SPOCK1: variants seen among roughly 807,000 people sequenced by gnomAD.
SPOCK1 encodes testican-1.
In SPOCK1, 23 loss-of-function variants were observed where a neutral mutation model predicts 55.3. The observed-to-expected ratio is 0.42, with a 90% confidence interval of 0.30 to 0.59. The LOEUF is 0.59. Among genes scored for constraint, SPOCK1 ranks in the 20% least tolerant of loss-of-function variants. The pLI is 0.22. For missense variants in SPOCK1, 499 were observed against 552.5 expected (o/e 0.90, Z 0.97); for synonymous variants, 226 against 221.0 (o/e 1.02, Z -0.20).
chr5:137,449,886 C>CAAAAAAAAAAAAAAAAAAAAA (rs562723108), intron 2 of SPOCK1, among the ~76,000 whole-genome samples: 8 of 52,908 alleles, frequency 1.5e-4, no homozygotes, highest in African/African-American at 4.8e-4. Context: ...GATGCTGTCT[C>CAAAAAAAAAAAAAAAAAAAAA]AAAAAAAAAA....
intron 6 of SPOCK1, among the ~76,000 whole-genome samples, chr5:137,042,101 T>C (rs1214813497): frequency 6.6e-6 from 1 of 152,276 alleles, no homozygotes; most frequent in East Asian, 1.9e-4. Flanking sequence ...ATCCATACAA[T>C]GGACTACTAT....
chr5:137,282,809 C>A (rs1757192220), intron 2 of SPOCK1, among the ~76,000 whole-genome samples: 1 of 152,118 alleles, frequency 6.6e-6, no homozygotes, highest in South Asian at 2.1e-4. Context: ...GACCAGGCAC[C>A]AAAGGAGAAA....
rs113515683 is a variant in SPOCK1, at chr5:137,205,862, T to C, written c.232+61148A>G. On this transcript the variant is annotated intron_variant, in intron 3 of 10. Coordinates refer to ENST00000394945, the MANE Select transcript of SPOCK1 (RefSeq NM_004598.4). ...ACTCGGCACAGTTCCAAGCACTCTGTATAAATTAATTCATCTAGTCCTCAC... is the reference window on the plus strand; with the variant it reads ...ACTCGGCACAGTTCCAAGCACTCTGCATAAATTAATTCATCTAGTCCTCAC... 4.0e-3 allele frequency among the ~76,000 whole-genome samples: 603 copies of C among 152,338 alleles called. 6 individuals carry two copies. Among genetic ancestry groups the C allele is most frequent in the Admixed American group, 7.1e-3 (108 of 15,298 alleles).
At chr5:137,239,962 C>G (rs199819274) in intron 3 of SPOCK1, among the ~76,000 whole-genome samples, 2 of 152,154 alleles carry the variant, frequency 1.3e-5, no homozygotes, top group African/African-American at 4.8e-5. Context: ...AGAAAGCTAG[C>G]AAAATACAAA....
At chr5:137,044,601 A>G (rs1053675277) in intron 6 of SPOCK1, among the ~76,000 whole-genome samples, 2 of 152,202 alleles carry the variant, frequency 1.3e-5, no homozygotes, top group Non-Finnish European at 2.9e-5. Flanking sequence ...CATAAGGTAC[A>G]GAGTGTTTAG....
chr5:136,978,662 T>C lies in SPOCK1; in HGVS notation c.1312A>G (p.Ile438Val), dbSNP rs1439495928. Residue 438 changes from isoleucine (I) to valine (V), a missense_variant, in exon 11 of 11, where the codon ATA (isoleucine) becomes GTA (valine). Transcript: ENST00000394945. ...DDDKEDEVGY[I>V]W ...CCTCTTTCTTGTGGGCACTACCATA[T>C]GTACCCGACCTCATCCTCTTTGTCA... 1 of 1,606,218 alleles carries C rather than the reference T, an allele frequency of 6.2e-7. No homozygotes were observed. Among genetic ancestry groups the C allele is most frequent in the African/African-American group, 1.3e-5 (1 of 74,622 alleles).
At chr5:137,416,933 TTTGA>T (rs1177995368) in intron 2 of SPOCK1, among the ~76,000 whole-genome samples, 1 of 152,168 alleles carries the variant, frequency 6.6e-6, no homozygotes, top group Non-Finnish European at 1.5e-5. Flanking sequence ...ATTTTGAATA[TTTGA>T]TTATTTTGAA....
chr5:137,081,174 C>A (rs1752872443), intron 5 of SPOCK1, among the ~76,000 whole-genome samples: 1 of 152,240 alleles, frequency 6.6e-6, no homozygotes, highest in Admixed American at 6.5e-5. Flanking sequence ...TCATAACTAA[C>A]ACACTGTAGA....
chr5:137,011,202 G>C (rs1391693719), intron 6 of SPOCK1, among the ~76,000 whole-genome samples: 1 of 152,156 alleles, frequency 6.6e-6, no homozygotes, highest in Non-Finnish European at 1.5e-5. Flanking sequence ...GAGCATTGAA[G>C]AAAACAAAGG....
At chr5:137,290,049 G>C (rs1257348117) in intron 2 of SPOCK1, among the ~76,000 whole-genome samples, 2 of 152,110 alleles carry the variant, frequency 1.3e-5, no homozygotes, top group African/African-American at 4.8e-5. Context: ...TTGGCAATAG[G>C]AACTGAAGAT....
chr5:137,372,639 G>A (rs980371556), intron 2 of SPOCK1, among the ~76,000 whole-genome samples: 1 of 152,218 alleles, frequency 6.6e-6, no homozygotes, highest in Non-Finnish European at 1.5e-5. Context: ...AGGGTAAAGA[G>A]AGTGTTAAAG....
chr5:137,052,172 T>G (rs937673982), intron 6 of SPOCK1, among the ~76,000 whole-genome samples: 1 of 152,108 alleles, frequency 6.6e-6, no homozygotes, highest in African/African-American at 2.4e-5. Flanking sequence ...GCAACAAGAG[T>G]GGAGCCTGGT....
intron 2 of SPOCK1, among the ~76,000 whole-genome samples, chr5:137,316,142 G>A (rs1236364603): frequency 6.6e-6 from 1 of 152,218 alleles, no homozygotes; most frequent in African/African-American, 2.4e-5. Context: ...GGGATGTACC[G>A]TCCAAAGGGG....
intron 3 of SPOCK1, among the ~76,000 whole-genome samples, chr5:137,215,648 A>G (rs1755702672): frequency 6.6e-6 from 1 of 152,222 alleles, no homozygotes. Flanking sequence ...AAGGTTTATG[A>G]AAGATTGCTT....
At chr5:137,457,098 C>CAGAT (rs1476197949) in intron 2 of SPOCK1, among the ~76,000 whole-genome samples, 1 of 152,168 alleles carries the variant, frequency 6.6e-6, no homozygotes, top group African/African-American at 2.4e-5. Context: ...AGCAACTCAT[C>CAGAT]AGATAGATAA....
chr5:137,263,164 G>A (rs1293059424), intron 3 of SPOCK1, among the ~76,000 whole-genome samples: 4 of 150,352 alleles, frequency 2.7e-5, no homozygotes, highest in Non-Finnish European at 6.0e-5. Flanking sequence ...TCTGATAGGT[G>A]TGTAGTGGAA....
At chr5:137,033,195 C>A (rs1238660193) in intron 6 of SPOCK1, among the ~76,000 whole-genome samples, 1 of 152,090 alleles carries the variant, frequency 6.6e-6, no homozygotes, top group Non-Finnish European at 1.5e-5. Flanking sequence ...GAGCAGCTGG[C>A]GATCTGCAAG....
intron 6 of SPOCK1, among the ~76,000 whole-genome samples, chr5:137,053,172 C>A (rs966817537): frequency 3.3e-5 from 5 of 152,166 alleles, no homozygotes; most frequent in Admixed American, 6.5e-5. Flanking sequence ...GAAGCATGAC[C>A]TCTGAGCCAC....
At chr5:137,375,556 T>G (rs1320208344) in intron 2 of SPOCK1, among the ~76,000 whole-genome samples, 2 of 152,222 alleles carry the variant, frequency 1.3e-5, no homozygotes, top group Non-Finnish European at 2.9e-5. Flanking sequence ...AATTAAGATC[T>G]GTGCACTTTT....
Sources: allele counts gnomAD v4.1 joint callset (sites outside exome capture counted in the v4.1 genomes callset), GRCh38; gene constraint gnomAD v4.1.1; transcripts MANE v1.5; gene names NCBI Gene and HGNC (gene_info 2026-07-23, HGNC 2026-07-21).